The following B3GALT1 variants were observed in gnomAD, a reference collection of about 807,000 sequenced individuals.
B3GALT1 encodes UDP-Gal:betaGlcNAc beta 1,3-galactosyltransferase, polypeptide 1.
A neutral mutation model predicts 23.2 loss-of-function variants in B3GALT1; 10 were observed. The observed-to-expected ratio is 0.43, with a 90% CI of 0.27 to 0.73. The LOEUF (loss-of-function observed/expected upper bound fraction) is 0.73, where lower values mean the gene tolerates loss of function less well. Among genes scored for constraint, B3GALT1 ranks in the 30% least tolerant of loss-of-function variants. The probability of loss-of-function intolerance (pLI) is 0.21; values close to 1 mark genes in which losing one functional copy is unlikely to be tolerated. For synonymous variants in B3GALT1, 156 were observed against 141.5 expected (o/e 1.10, Z -0.73); for missense variants, 299 against 405.4 (o/e 0.74, Z 2.25).
At chr2:167,502,744 A>G (rs964694770) in intron 2 of B3GALT1, among the ~76,000 whole-genome samples, 1 of 152,222 alleles carries the variant, frequency 6.6e-6, no homozygotes, top group African/African-American at 2.4e-5. Context: ...ATTGGGGATT[A>G]AAATTTGACA....
intron 2 of B3GALT1, among the ~76,000 whole-genome samples, chr2:167,581,176 C>T (rs1018548653): frequency 2.6e-5 from 4 of 152,162 alleles, no homozygotes; most frequent in Non-Finnish European, 5.9e-5. Context: ...AATTCAACAT[C>T]ATTGATTGCA....
At chr2:167,789,169 C>T (rs1688393416) in intron 3 of B3GALT1, among the ~76,000 whole-genome samples, 1 of 152,212 alleles carries the variant, frequency 6.6e-6, no homozygotes, top group African/African-American at 2.4e-5. Flanking sequence ...GAAGACAGGT[C>T]ACTACATCAC....
intron 1 of B3GALT1, among the ~76,000 whole-genome samples, chr2:167,337,745 A>G (rs988608419): frequency 1.3e-5 from 2 of 152,334 alleles, no homozygotes; most frequent in South Asian, 2.1e-4. Context: ...TGTAAAACTA[A>G]TATCCCTTTG....
chr2:167,385,366 G>A (rs1223312174), intron 1 of B3GALT1, among the ~76,000 whole-genome samples: 1 of 152,096 alleles, frequency 6.6e-6, no homozygotes, highest in Non-Finnish European at 1.5e-5. Flanking sequence ...TAGTGTAACT[G>A]TATTTAAACT....
intron 1 of B3GALT1, among the ~76,000 whole-genome samples, chr2:167,297,798 T>C (rs983387931): frequency 1.3e-5 from 2 of 152,122 alleles, no homozygotes; most frequent in Non-Finnish European, 2.9e-5. Flanking sequence ...AAGCTGAAAT[T>C]ATACTCCGAA....
chr2:167,561,514 G>A (rs1231049394), intron 2 of B3GALT1, among the ~76,000 whole-genome samples: 2 of 151,956 alleles, frequency 1.3e-5, no homozygotes, highest in Admixed American at 1.3e-4. Flanking sequence ...AATGAATCCA[G>A]GAGCTGGTTT....
chr2:167,363,704 C>G lies in B3GALT1; in HGVS notation c.-511+70370C>G, dbSNP rs537978284. On this transcript the variant is annotated intron_variant, in intron 1 of 4. Transcript: ENST00000392690. ...TTCCTCCACTCTTTATGGCCCATCACTTACTTTTGCCATGTTTTCATTTCC... is the reference window on the plus strand; with the variant it reads ...TTCCTCCACTCTTTATGGCCCATCAGTTACTTTTGCCATGTTTTCATTTCC... Among the ~76,000 whole-genome samples, 3 of 152,290 alleles carry G rather than the reference C, an allele frequency of 2.0e-5. No homozygotes were observed. In the East Asian group the frequency reaches 5.8e-4, roughly 29 times the overall value.
At chr2:167,755,700 G>C (rs949495040) in intron 3 of B3GALT1, among the ~76,000 whole-genome samples, 1 of 152,034 alleles carries the variant, frequency 6.6e-6, no homozygotes, top group Non-Finnish European at 1.5e-5. Context: ...GGGTGCAGTG[G>C]CTCACTCCTG....
At chr2:167,644,202 G>T (rs565001712) in intron 2 of B3GALT1, among the ~76,000 whole-genome samples, 7 of 152,280 alleles carry the variant, frequency 4.6e-5, no homozygotes, top group African/African-American at 1.7e-4. Flanking sequence ...GGCAGTTTTG[G>T]AGTAAATGGT....
At chr2:167,858,697 C>T (rs1020543578) in intron 4 of B3GALT1, among the ~76,000 whole-genome samples, 1 of 152,086 alleles carries the variant, frequency 6.6e-6, no homozygotes, top group African/African-American at 2.4e-5. Context: ...ATAAGGCTGA[C>T]TGCCTACAAA....
chr2:167,668,329 CT>C (rs1314863378), intron 3 of B3GALT1, among the ~76,000 whole-genome samples: 2 of 152,112 alleles, frequency 1.3e-5, no homozygotes, highest in East Asian at 3.9e-4. Context: ...CAGCTGCATG[CT>C]GGGAGAACCA....
chr2:167,543,756 G>T (rs552738992), intron 2 of B3GALT1, among the ~76,000 whole-genome samples: 30 of 152,330 alleles, frequency 2.0e-4, no homozygotes, highest in Admixed American at 1.1e-3. Context: ...TGCAGCCTCT[G>T]ACCTTGAATG....
chr2:167,474,163 G>A (rs1038670709), intron 1 of B3GALT1, among the ~76,000 whole-genome samples: 1 of 152,244 alleles, frequency 6.6e-6, no homozygotes, highest in African/African-American at 2.4e-5. Flanking sequence ...TCTTAATATG[G>A]ATAATTTCTA....
At chr2:167,585,059 C>T (rs986961501) in intron 2 of B3GALT1, among the ~76,000 whole-genome samples, 4 of 152,196 alleles carry the variant, frequency 2.6e-5, no homozygotes, top group African/African-American at 9.7e-5. Context: ...CTGTAAACAG[C>T]TCTCATCCTG....
intron 3 of B3GALT1, among the ~76,000 whole-genome samples, chr2:167,745,699 A>G (rs193038397): frequency 4.7e-4 from 71 of 152,136 alleles, no homozygotes; most frequent in African/African-American, 1.7e-3. Flanking sequence ...TGTTATGTTG[A>G]AAACCATCTA....
chr2:167,560,379 A>G (rs1683953769), intron 2 of B3GALT1, among the ~76,000 whole-genome samples: 1 of 152,206 alleles, frequency 6.6e-6, no homozygotes, highest in Non-Finnish European at 1.5e-5. Context: ...CATCGAGACT[A>G]GGAAGAAACT....
chr2:167,772,724 A>C lies in B3GALT1; in HGVS notation c.-351-45948A>C, dbSNP rs1476612986. ...CACTCTAGTTTTATGTTTCTTTATT[A>C]ATCTTCTAAACATTTTAGCACTTTC... On this transcript the variant is annotated intron_variant, in intron 3 of 4. Coordinates refer to ENST00000392690, the MANE Select transcript of B3GALT1 (RefSeq NM_020981.4). Among the ~76,000 whole-genome samples, 11 of 152,318 alleles carry C rather than the reference A, an allele frequency of 7.2e-5. No individual in the cohort carries two copies. In the East Asian group the frequency reaches 1.9e-3, roughly 27 times the overall value.
intron 3 of B3GALT1, among the ~76,000 whole-genome samples, chr2:167,655,112 T>C (rs1410208595): frequency 6.6e-6 from 1 of 152,164 alleles, no homozygotes; most frequent in African/African-American, 2.4e-5. Flanking sequence ...ATCTTGATAT[T>C]TTTTTACTAT....
chr2:167,516,983 T>A (rs910782137), intron 2 of B3GALT1, among the ~76,000 whole-genome samples: 3 of 151,826 alleles, frequency 2.0e-5, no homozygotes, highest in Non-Finnish European at 4.4e-5. Context: ...ACACTTAAGC[T>A]TCTTTGTTAT....
Sources: gnomAD v4.1 joint callset for allele counts (sites outside exome capture counted in the v4.1 genomes callset) on GRCh38, gnomAD v4.1.1 for gene constraint, MANE v1.5 for transcripts, NCBI Gene and HGNC (gene_info 2026-07-23, HGNC 2026-07-21) for gene names.